NDE1: variants seen among roughly 807,000 people sequenced by gnomAD.
NDE1 encodes the protein nuclear distribution protein nudE homolog 1.
In NDE1, 28 loss-of-function variants were observed where a neutral mutation model predicts 43.4. The ratio of observed to expected loss-of-function variants is 0.65; its 90% CI spans 0.48 to 0.89. The LOEUF is 0.89. Ranked by LOEUF, NDE1 falls within the 40% of genes least tolerant of loss-of-function variation. NDE1 has a pLI of 0.00. For synonymous variants in NDE1, 184 were observed against 172.0 expected, an observed-to-expected ratio of 1.07 and a Z score of -0.55; for missense variants, 441 against 434.1, an observed-to-expected ratio of 1.02 and a Z score of -0.14.
At chr16:15,681,153 A>G (rs1165622085) in intron 4 of NDE1, among the ~76,000 whole-genome samples, 3 of 143,476 alleles carry the variant, frequency 2.1e-5, no homozygotes, top group Non-Finnish European at 4.5e-5. Context: ...CTTAGTCTGC[A>G]ATGAATTTAT....
At chr16:15,688,742 A>G (rs2038579772) in intron 5 of NDE1, among the ~76,000 whole-genome samples, 2 of 97,498 alleles carry the variant, frequency 2.1e-5, no homozygotes, top group Non-Finnish European at 3.7e-5. Context: ...TCTGTTGTCC[A>G]GGCTGGAGTG....
At chr16:15,694,110 GCA>G in intron 6 of NDE1, 53 bp from the exon 7 acceptor site, 4 of 1,596,774 alleles carry the variant, frequency 2.5e-6, no homozygotes, top group South Asian at 1.1e-5. Flanking sequence ...CGATGTTAAC[GCA>G]CAGACATGAC....
At chr16:15,693,941 A>G (rs1216957867) in intron 6 of NDE1, among the ~76,000 whole-genome samples, 1 of 152,178 alleles carries the variant, frequency 6.6e-6, no homozygotes, top group Non-Finnish European at 1.5e-5. Flanking sequence ...CTAACATGTA[A>G]AAATAAGTAT....
intron 8 of NDE1, among the ~76,000 whole-genome samples, chr16:15,705,006 A>G (rs1488560772): frequency 6.6e-6 from 1 of 152,090 alleles, no homozygotes; most frequent in Non-Finnish European, 1.5e-5. Flanking sequence ...AAAGAAATTT[A>G]AGAGTCTCTC....
intron 7 of NDE1, chr16:15,695,495 CAAAA>C (rs3073434): frequency 1.4e-3 from 1,322 of 919,230 alleles, no homozygotes; most frequent in Middle Eastern, 3.4e-3. Context: ...GACTTGGTCT[CAAAA>C]AAAAAAAAAA....
intron 4 of NDE1, among the ~76,000 whole-genome samples, chr16:15,680,306 G>A (rs1269439896): frequency 6.6e-6 from 1 of 152,092 alleles, no homozygotes; most frequent in African/African-American, 2.4e-5. Context: ...GGGGGCCCAC[G>A]GTGATAGATT....
intron 3 of NDE1, among the ~76,000 whole-genome samples, chr16:15,670,485 C>G (rs1296389812): frequency 6.6e-6 from 1 of 152,064 alleles, no homozygotes; most frequent in Non-Finnish European, 1.5e-5. Context: ...TGACAAAACC[C>G]TGTCTCTACT....
intron 8 of NDE1, 106 bp downstream of exon 8, chr16:15,696,966 A>T: frequency 6.5e-7 from 1 of 1,548,600 alleles, no homozygotes; most frequent in Non-Finnish European, 8.7e-7. Flanking sequence ...AAATTATAGG[A>T]TTATTTCAGC....
At chr16:15,666,908 C>T (rs900045483) in intron 2 of NDE1, among the ~76,000 whole-genome samples, 4 of 152,112 alleles carry the variant, frequency 2.6e-5, no homozygotes, top group Non-Finnish European at 5.9e-5. Flanking sequence ...TTTCTTTATT[C>T]TAGTTTGACT....
At chr16:15,650,805 C>G (rs1020953430) in intron 1 of NDE1, among the ~76,000 whole-genome samples, 12 of 152,132 alleles carry the variant, frequency 7.9e-5, no homozygotes, top group African/African-American at 2.9e-4. Flanking sequence ...CCCCAGACCC[C>G]TCGATTGCAG....
intron 8 of NDE1, chr16:15,703,172 A>C (rs2151157964): frequency 5.1e-6 from 1 of 195,470 alleles, no homozygotes; most frequent in East Asian, 8.0e-5. Flanking sequence ...AAGTGTTTTT[A>C]AGCACAGTCA....
intron 5 of NDE1, among the ~76,000 whole-genome samples, chr16:15,688,638 A>G (rs2038565275): frequency 6.7e-6 from 1 of 149,198 alleles, no homozygotes; most frequent in African/African-American, 2.4e-5. Flanking sequence ...TGTCTCAAAA[A>G]AAAAAAAAAA....
chr16:15,704,156 A>C, intron 8 of NDE1: 6 of 1,612,948 alleles, frequency 3.7e-6, no homozygotes, highest in Non-Finnish European at 5.1e-6. Flanking sequence ...TTATTTAGCA[A>C]AGAAATCTTC....
chr16:15,690,343 T>TTTTTTTTTC (rs2038677418), intron 5 of NDE1, among the ~76,000 whole-genome samples: 1 of 123,394 alleles, frequency 8.1e-6, no homozygotes, highest in African/African-American at 3.8e-5. Context: ...TGGCCTTTTT[T>TTTTTTTTTC]TTTTTTTTTC....
intron 8 of NDE1, chr16:15,721,742 G>A: frequency 2.6e-6 from 3 of 1,157,450 alleles, no homozygotes; most frequent in Non-Finnish European, 2.6e-6. Context: ...TTGAGGTGCA[G>A]GTGTAAGCAG....
upstream of NDE1, among the ~76,000 whole-genome samples, chr16:15,649,121 A>C (rs1380880628): frequency 6.6e-6 from 1 of 151,428 alleles, no homozygotes; most frequent in Non-Finnish European, 1.5e-5. Flanking sequence ...GCTTGAACTC[A>C]GAAGGCAGAG....
chr16:15,660,954 G>A (rs999511583), intron 1 of NDE1, among the ~76,000 whole-genome samples: 5 of 152,072 alleles, frequency 3.3e-5, no homozygotes, highest in Admixed American at 2.0e-4. Context: ...GTCCCTAGGC[G>A]ATTCTTCCAT....
intron 3 of NDE1, among the ~76,000 whole-genome samples, chr16:15,671,396 G>C (rs1415625501): frequency 6.6e-6 from 1 of 152,156 alleles, no homozygotes; most frequent in Non-Finnish European, 1.5e-5. Flanking sequence ...TGTAGTCTAA[G>C]CTACTCAAGA....
intron 8 of NDE1, chr16:15,702,193 C>T (rs950022347): frequency 5.9e-5 from 9 of 152,172 alleles, no homozygotes; most frequent in African/African-American, 2.2e-4. Flanking sequence ...TATACGGCAT[C>T]GTTTGTGTTG....
Sources: gnomAD v4.1 joint callset for allele counts (sites outside exome capture counted in the v4.1 genomes callset) on GRCh38, gnomAD v4.1.1 for gene constraint, MANE v1.5 for transcripts, NCBI Gene and HGNC (gene_info 2026-07-23, HGNC 2026-07-21) for gene names.